The following CDIN1 variants were observed in gnomAD, a reference collection of about 807,000 sequenced individuals.
The protein encoded by CDIN1 is CDAN1-interacting nuclease 1.
A neutral mutation model predicts 45.3 loss-of-function variants in CDIN1; 33 were observed. That is an observed-to-expected ratio of 0.73 (90% CI 0.55 to 0.97). The LOEUF (loss-of-function observed/expected upper bound fraction) is 0.97. Ranked by LOEUF, CDIN1 falls within the 50% of genes least tolerant of loss-of-function variation. The probability of loss-of-function intolerance (pLI) is 0.00; values close to 1 mark genes in which losing one functional copy is unlikely to be tolerated. For missense variants in CDIN1, 303 were observed against 339.4 expected (o/e 0.89, Z 0.84); for synonymous variants, 118 against 124.4 (o/e 0.95, Z 0.34).
Position 36,618,858 on chromosome 15 carries a change from C to G in CDIN1, c.102-25420C>G, listed in dbSNP as rs147253902. On this transcript the variant is annotated intron_variant, in intron 1 of 10. Transcript: ENST00000566621. ...ATACCAGTTTCTCCTCCAAGTACTACAAAGCCATGGAGGGCAAGTACTGCC... is the reference window on the plus strand; with the variant it reads ...ATACCAGTTTCTCCTCCAAGTACTAGAAAGCCATGGAGGGCAAGTACTGCC... 51 of 930,296 alleles carry G rather than the reference C, an allele frequency of 5.5e-5. No homozygotes were observed. The African/African-American group carries it at 7.2e-4, about 13-fold the overall frequency. The allele number at this position is 930,296 out of a possible 1,614,324, so 57.6% of individuals were successfully genotyped here.
chr15:36,702,105 G>A (rs1476962657), intron 8 of CDIN1: 1 of 702,204 alleles, frequency 1.4e-6, no homozygotes, highest in South Asian at 1.5e-5. Flanking sequence ...TAAGAGACCA[G>A]AAATGGAACA....
At chr15:36,800,909 G>GTGTGTGTATATATATATATA (rs1156514805) in intron 10 of CDIN1, among the ~76,000 whole-genome samples, 11 of 22,384 alleles carry the variant, frequency 4.9e-4, no homozygotes, top group Non-Finnish European at 8.2e-4. Flanking sequence ...GTGTGTGTGT[G>GTGTGTGTATATATATATATA]TATATATATA....
intron 1 of CDIN1, among the ~76,000 whole-genome samples, chr15:36,643,966 T>G (rs550253112): frequency 3.0e-4 from 45 of 152,364 alleles, no homozygotes; most frequent in African/African-American, 1.1e-3. Flanking sequence ...AGCCTTGCTT[T>G]CTTGTGGTCC....
intron 1 of CDIN1, among the ~76,000 whole-genome samples, chr15:36,599,123 G>C (rs1485080095): frequency 7.4e-6 from 1 of 135,218 alleles, no homozygotes; most frequent in Non-Finnish European, 1.6e-5. Flanking sequence ...TTTTTTTTTT[G>C]GGAGGGGAGC....
chr15:36,765,395 T>A (rs1396109108), intron 10 of CDIN1, among the ~76,000 whole-genome samples: 1 of 152,162 alleles, frequency 6.6e-6, no homozygotes, highest in Non-Finnish European at 1.5e-5. Flanking sequence ...ACTTTTTTCT[T>A]GTTTATGCTA....
Position 36,588,984 on chromosome 15 carries a change from T to TA in CDIN1, c.101+9029dup, listed in dbSNP as rs1202020664. On this transcript the variant is annotated intron_variant, in intron 1 of 10. Coordinates refer to ENST00000566621, the MANE Select transcript of CDIN1 (RefSeq NM_001321759.2). ...ATGTAATTAGAATATTGGCTTTATT[T>TA]AAAAAATCTATATTCAGGCATCAAA... is the stretch of plus-strand genomic sequence containing the variant. Among the ~76,000 whole-genome samples the TA allele has an allele frequency of 2.0e-5, 3 of 152,134 alleles. No individual in the cohort carries two copies. The South Asian group carries it at 6.2e-4, about 32-fold the overall frequency.
At chr15:36,647,779 T>TG (rs1447345070) in intron 3 of CDIN1, 1 of 464 alleles carries the variant, frequency 2.2e-3, no homozygotes, top group Admixed American at 0.019. Flanking sequence ...TTTAATTTAA[T>TG]TTTTTTCTTT....
At chr15:36,662,574 T>C (rs1595439060) in intron 5 of CDIN1, among the ~76,000 whole-genome samples, 1 of 151,940 alleles carries the variant, frequency 6.6e-6, no homozygotes, top group South Asian at 2.1e-4. Context: ...AGGCATCCAG[T>C]AGGTGTTTAG....
intron 1 of CDIN1, among the ~76,000 whole-genome samples, chr15:36,598,664 C>G (rs954671100): frequency 1.3e-5 from 2 of 151,644 alleles, no homozygotes; most frequent in Non-Finnish European, 2.9e-5. Flanking sequence ...AATCTATTTC[C>G]CTCCCTTCCT....
At chr15:36,727,509 T>A (rs2043680217) in intron 10 of CDIN1, among the ~76,000 whole-genome samples, 1 of 152,178 alleles carries the variant, frequency 6.6e-6, no homozygotes, top group South Asian at 2.1e-4. Context: ...GCCAAATGCA[T>A]GAATATGATG....
intron 10 of CDIN1, among the ~76,000 whole-genome samples, chr15:36,738,129 A>AT: frequency 6.6e-6 from 1 of 151,840 alleles, no homozygotes; most frequent in South Asian, 2.1e-4. Context: ...CCTCTTCTCT[A>AT]TTTTTTTGGC....
chr15:36,688,788 C>A (rs1241817294), intron 5 of CDIN1, among the ~76,000 whole-genome samples: 2 of 152,168 alleles, frequency 1.3e-5, no homozygotes, highest in African/African-American at 4.8e-5. Context: ...TTTGAGATGG[C>A]AGTTCCTAAG....
intron 10 of CDIN1, among the ~76,000 whole-genome samples, chr15:36,716,299 A>G (rs537580866): frequency 6.6e-6 from 1 of 152,300 alleles, no homozygotes; most frequent in East Asian, 1.9e-4. Context: ...TGTATAGCTC[A>G]GAAATCTTAC....
At chr15:36,694,395 A>T (rs1191287341) in intron 7 of CDIN1, among the ~76,000 whole-genome samples, 2 of 152,218 alleles carry the variant, frequency 1.3e-5, no homozygotes, top group Non-Finnish European at 2.9e-5. Context: ...TCAGTAAATT[A>T]CATCATGATG....
chr15:36,603,285 G>A (rs1045010037), intron 1 of CDIN1, among the ~76,000 whole-genome samples: 5 of 152,060 alleles, frequency 3.3e-5, no homozygotes, highest in African/African-American at 7.2e-5. Flanking sequence ...TCCGTTACCC[G>A]TCTCTCTGGT....
Position 36,809,960 on chromosome 15 carries a change from TG to T in CDIN1, c.*1508del, listed in dbSNP as rs2055345588. ...GCTAAAGAAGGGTCAGGCAAACTTC[TG>T]TTTCAGTATAAAATTCATCATGCAG... is the stretch of plus-strand genomic sequence containing the variant. On this transcript the variant is annotated 3_prime_UTR_variant, in exon 11 of 11. Coordinates refer to ENST00000566621, the MANE Select transcript of CDIN1 (RefSeq NM_001321759.2). 1 of 152,142 alleles carries T rather than the reference TG, an allele frequency of 6.6e-6. No homozygotes were observed. The highest frequency in any genetic ancestry group is 1.5e-5 in the Non-Finnish European group (1 of 68,028). The allele number at this position is 152,142 out of a possible 1,614,324, so 9.4% of individuals were successfully genotyped here. A position where few individuals can be genotyped will look rare whatever the true frequency, so the allele number is the denominator to read the frequency against.
intron 10 of CDIN1, among the ~76,000 whole-genome samples, chr15:36,785,674 G>A (rs962059957): frequency 4.6e-5 from 7 of 152,146 alleles, no homozygotes; most frequent in South Asian, 2.1e-4. Context: ...AACTATTCTC[G>A]TTACCTTGTG....
intron 5 of CDIN1, among the ~76,000 whole-genome samples, chr15:36,670,524 A>G (rs539923525): frequency 2.0e-5 from 3 of 152,256 alleles, no homozygotes; most frequent in African/African-American, 7.2e-5. Context: ...ATTTAGAAGC[A>G]ACAGTTTTGA....
chr15:36,709,125 T>C, intron 8 of CDIN1, 98 bp from the exon 9 acceptor site: 16 of 963,324 alleles, frequency 1.7e-5, no homozygotes, highest in Non-Finnish European at 2.4e-5. Flanking sequence ...ATGACTACAG[T>C]AGTAATTTTT....
Sources: allele counts gnomAD v4.1 joint callset (sites outside exome capture counted in the v4.1 genomes callset), GRCh38; gene constraint gnomAD v4.1.1; transcripts MANE v1.5; gene names NCBI Gene and HGNC (gene_info 2026-07-23, HGNC 2026-07-21).